CSMD1: variants seen among roughly 807,000 people sequenced by gnomAD.
The protein encoded by CSMD1 is CUB and sushi domain-containing protein 1.
Under a neutral mutation model 417.5 loss-of-function variants are expected in CSMD1, and 213 were observed. The observed-to-expected ratio is 0.51, with a 90% CI of 0.46 to 0.57. The LOEUF is 0.57. Among genes scored for constraint, CSMD1 ranks in the 20% least tolerant of loss-of-function variants. CSMD1 has a pLI of 0.00. For synonymous variants in CSMD1, 2,862 were observed against 1,736.8 expected, an observed-to-expected ratio of 1.65 and a Z score of -16.11; for missense variants, 6,923 against 4,529.7, an observed-to-expected ratio of 1.53 and a Z score of -15.17.
Position 2,954,239 on chromosome 8 carries a change from C to A in CSMD1, c.10024G>T (p.Val3342Phe), listed in dbSNP as rs756155665. 7 of 1,500,472 alleles carry A rather than the reference C, an allele frequency of 4.7e-6. No individual in the cohort carries two copies. The highest frequency in any genetic ancestry group is 6.3e-6 in the Non-Finnish European group (7 of 1,107,526). The allele number at this position is 1,500,472 out of a possible 1,614,324, so 92.9% of individuals were successfully genotyped here. Residue 3342 changes from valine (V) to phenylalanine (F), a missense_variant, in exon 65 of 70, where the codon GTT becomes TTT. Coordinates refer to ENST00000635120, the MANE Select transcript of CSMD1 (RefSeq NM_033225.6). ...SKGVREVNETVTKTPVPSDVF... is the reference protein window; with the variant it reads ...SKGVREVNETFTKTPVPSDVF... ...GTATACAAACCTGGAGTTTTAGTAA[C>A]TGTTTCATTAACTTCTCTCACTCCT...
chr8:4,734,969 T>A (rs146266056), intron 1 of CSMD1, among the ~76,000 whole-genome samples: 1,920 of 152,290 alleles, frequency 0.013, 32 homozygotes, highest in African/African-American at 0.035. Flanking sequence ...CTGGGAAAGT[T>A]TCCATATGGA....
At chr8:4,374,155 C>G (rs930255808) in intron 3 of CSMD1, among the ~76,000 whole-genome samples, 8 of 152,046 alleles carry the variant, frequency 5.3e-5, no homozygotes, top group Non-Finnish European at 1.2e-4. Context: ...ACGTCCTTAC[C>G]CTCCCCTTTT....
rs6988561 is a variant in CSMD1 at position 4,955,071 on chromosome 8, T to C, written c.85+39261A>G. 2.8e-3 allele frequency among the ~76,000 whole-genome samples: 430 copies of C among 151,984 alleles called. 5 individuals carry two copies. Among genetic ancestry groups the C allele is most frequent in the African/African-American group, 9.7e-3 (402 of 41,430 alleles). On this transcript the variant is annotated intron_variant, in intron 1 of 69. Transcript: ENST00000635120. ...TGCTGTATGTCAGTGGCTCTCAAAA[T>C]AGGCTCTGGAACAATCGCTTCAGCA...
chr8:3,779,854 T>C (rs1490213255), intron 5 of CSMD1, among the ~76,000 whole-genome samples: 1 of 152,210 alleles, frequency 6.6e-6, no homozygotes, highest in Admixed American at 6.5e-5. Context: ...GTTTAAGGTG[T>C]TCTTGAATAT....
intron 3 of CSMD1, among the ~76,000 whole-genome samples, chr8:4,160,349 G>C (rs544273952): frequency 4.6e-5 from 7 of 151,984 alleles, no homozygotes; most frequent in Admixed American, 3.9e-4. Flanking sequence ...ACCATTTTTT[G>C]TAAAGTAATG....
chr8:4,272,228 G>C (rs976830011), intron 3 of CSMD1, among the ~76,000 whole-genome samples: 1 of 152,088 alleles, frequency 6.6e-6, no homozygotes, highest in Non-Finnish European at 1.5e-5. Flanking sequence ...TAGTACTATA[G>C]TACTTTATGC....
At chr8:3,267,550 A>G (rs1381121326) in intron 26 of CSMD1, among the ~76,000 whole-genome samples, 2 of 152,158 alleles carry the variant, frequency 1.3e-5, no homozygotes, top group East Asian at 3.9e-4. Flanking sequence ...TGGGCCAGGG[A>G]GCTTCCAGCA....
At chr8:4,922,629 A>G (rs1329767851) in intron 1 of CSMD1, among the ~76,000 whole-genome samples, 6 of 152,186 alleles carry the variant, frequency 3.9e-5, no homozygotes, top group African/African-American at 1.4e-4. Context: ...AACAAGAAAC[A>G]ACACATCTTG....
chr8:4,402,031 T>A (rs1168356990), intron 3 of CSMD1, among the ~76,000 whole-genome samples: 1 of 152,116 alleles, frequency 6.6e-6, no homozygotes, highest in East Asian at 1.9e-4. Context: ...TAATTCGTGG[T>A]GACTTCACTA....
At chr8:4,163,450 G>A (rs1057406919) in intron 3 of CSMD1, among the ~76,000 whole-genome samples, 1 of 152,036 alleles carries the variant, frequency 6.6e-6, no homozygotes, top group Non-Finnish European at 1.5e-5. Flanking sequence ...TTTTACGTTT[G>A]TATTTTAATG....
intron 3 of CSMD1, among the ~76,000 whole-genome samples, chr8:4,118,497 A>G (rs1802290813): frequency 6.6e-6 from 1 of 151,552 alleles, no homozygotes; most frequent in African/African-American, 2.4e-5. Flanking sequence ...AAAAAAGCTC[A>G]TCATCACTGG....
rs996726157 is a variant in CSMD1 at position 4,795,737 on chromosome 8, G to A, written c.86-158179C>T. The stretch of plus-strand genomic sequence containing the variant: ...GAGAGGCATCCTGACAGGTCCTCCA[G>A]GGCTCTTGTCAGTTACCTCCGTACC... On this transcript the variant is annotated intron_variant, in intron 1 of 69. Coordinates refer to ENST00000635120, the MANE Select transcript of CSMD1 (RefSeq NM_033225.6). Among the ~76,000 whole-genome samples, 4 of 152,202 alleles carry A rather than the reference G, an allele frequency of 2.6e-5. No homozygotes were observed. In the South Asian group the frequency reaches 8.3e-4, roughly 32 times the overall value.
intron 2 of CSMD1, among the ~76,000 whole-genome samples, chr8:4,592,552 A>T (rs1475881119): frequency 1.3e-5 from 2 of 151,720 alleles, no homozygotes; most frequent in Non-Finnish European, 2.9e-5. Flanking sequence ...ACGCCCAGCT[A>T]ATTTTTGTAT....
chr8:3,118,106 G>A (rs1461723306), intron 42 of CSMD1, among the ~76,000 whole-genome samples: 1 of 152,120 alleles, frequency 6.6e-6, no homozygotes, highest in Admixed American at 6.5e-5. Context: ...TTCCCTGATG[G>A]CTTCCCAAGC....
Position 3,643,521 on chromosome 8 carries a change from T to G in CSMD1, c.1010-26724A>C, listed in dbSNP as rs191023531. Among the ~76,000 whole-genome samples the G allele has an allele frequency of 6.8e-3, 1,024 of 151,666 alleles. 16 individuals carry two copies. The highest frequency in any genetic ancestry group is 0.024 in the African/African-American group (975 of 41,352). The stretch of plus-strand genomic sequence containing the variant: ...ATCGAAACCATCCTGGCTAACACAG[T>G]GAAATCCAGTCTCTACTAAAAATAC... On this transcript the variant is annotated intron_variant, in intron 7 of 69. Coordinates refer to ENST00000635120, the MANE Select transcript of CSMD1 (RefSeq NM_033225.6).
At chr8:4,459,499 A>T (rs1563198801) in intron 2 of CSMD1, among the ~76,000 whole-genome samples, 1 of 152,228 alleles carries the variant, frequency 6.6e-6, no homozygotes, top group African/African-American at 2.4e-5. Context: ...GGTTGCTCTC[A>T]AAAATAAATG....
intron 3 of CSMD1, among the ~76,000 whole-genome samples, chr8:4,309,257 A>C (rs1243564255): frequency 6.6e-6 from 1 of 152,024 alleles, no homozygotes; most frequent in Non-Finnish European, 1.5e-5. Flanking sequence ...ATTAATTCAC[A>C]CCAACTAATT....
chr8:4,562,930 A>T (rs1014998897), intron 2 of CSMD1, among the ~76,000 whole-genome samples: 3 of 152,200 alleles, frequency 2.0e-5, no homozygotes, highest in Non-Finnish European at 4.4e-5. Flanking sequence ...TAAAAAAATT[A>T]ACTCTACTTT....
intron 3 of CSMD1, among the ~76,000 whole-genome samples, chr8:4,316,895 G>A (rs1329047737): frequency 6.6e-6 from 1 of 151,426 alleles, no homozygotes; most frequent in Non-Finnish European, 1.5e-5. Flanking sequence ...TGGGGTGGGG[G>A]AATCTTCAAA....
Sources: gnomAD v4.1 joint callset for allele counts (sites outside exome capture counted in the v4.1 genomes callset) on GRCh38, gnomAD v4.1.1 for gene constraint, MANE v1.5 for transcripts, NCBI Gene and HGNC (gene_info 2026-07-23, HGNC 2026-07-21) for gene names.